Variants in PRDM6 observed in about 807,000 individuals in gnomAD.
PRDM6 encodes the protein putative histone-lysine N-methyltransferase PRDM6.
A neutral mutation model predicts 60.8 loss-of-function variants in PRDM6; 25 were observed. The ratio of observed to expected loss-of-function variants is 0.41; its 90% CI spans 0.30 to 0.57. PRDM6 has a LOEUF of 0.57. PRDM6 is among the 20% of genes least tolerant of loss of function. PRDM6 has a pLI of 0.27. For missense variants in PRDM6, 839 were observed against 821.3 expected, an observed-to-expected ratio of 1.02 and a Z score of -0.26; for synonymous variants, 407 against 357.4, an observed-to-expected ratio of 1.14 and a Z score of -1.57.
intron 3 of PRDM6, among the ~76,000 whole-genome samples, chr5:123,132,825 T>C (rs1037921513): frequency 6.0e-4 from 91 of 152,290 alleles, no homozygotes; most frequent in African/African-American, 2.1e-3. Flanking sequence ...TAAAAAATTA[T>C]GTCCCAGATA....
At position 123,099,582 on chromosome 5, in the gene PRDM6, A is replaced by G. The variant is rs1229787331; in HGVS notation, c.593-72A>G. ...GGTGATGCTGTTGTCTCGGGAGTTT[A>G]CTCAAAGATGGGCCGCTCGGGGCGG... On this transcript the variant is annotated intron_variant, in intron 2 of 7. Coordinates refer to ENST00000407847, the MANE Select transcript of PRDM6 (RefSeq NM_001136239.4). This position sits in a 1 kb window ranked among gnomAD's most constrained non-coding sequence, Gnocchi z 4.0. The G allele has an allele frequency of 1.5e-6, 2 of 1,345,992 alleles. No homozygotes were observed. The highest frequency in any genetic ancestry group is 2.0e-6 in the Non-Finnish European group (2 of 1,024,584). The allele number at this position is 1,345,992 out of a possible 1,614,324, so 83.4% of individuals were successfully genotyped here.
In PRDM6 at chr5:123,153,220, G is replaced by T. The variant is rs550127426; in HGVS notation, c.901-2664G>T. On this transcript the variant is annotated intron_variant, in intron 3 of 7. Coordinates refer to ENST00000407847, the MANE Select transcript of PRDM6 (RefSeq NM_001136239.4). Reference sequence around the variant, plus strand: ...AACTACAAAAAAAAAAAAAAAAAGGGCTAGGTTTTCTTTTCATTTATTTTT... The same window carrying T: ...AACTACAAAAAAAAAAAAAAAAAGGTCTAGGTTTTCTTTTCATTTATTTTT... Among the ~76,000 whole-genome samples, 443 of 150,090 alleles carry T rather than the reference G, an allele frequency of 3.0e-3. 1 individual carries two copies. Among genetic ancestry groups the T allele is most frequent in the African/African-American group, 0.01 (413 of 40,910 alleles).
At chr5:123,157,165 A>T (rs1765521699) in intron 4 of PRDM6, among the ~76,000 whole-genome samples, 1 of 151,434 alleles carries the variant, frequency 6.6e-6, no homozygotes, top group Non-Finnish European at 1.5e-5. Context: ...GAGGTCTTCA[A>T]TTAAAAAAAA....
intron 3 of PRDM6, among the ~76,000 whole-genome samples, chr5:123,131,839 A>G (rs1580504603): frequency 6.6e-6 from 1 of 152,240 alleles, no homozygotes; most frequent in East Asian, 1.9e-4. Flanking sequence ...TGTCTGGTAC[A>G]GTGCCAAATG....
intron 3 of PRDM6, among the ~76,000 whole-genome samples, chr5:123,143,749 T>A (rs540086284): frequency 6.6e-6 from 1 of 152,254 alleles, no homozygotes; most frequent in South Asian, 2.1e-4. Flanking sequence ...TCTGAGGCTC[T>A]TGATATATTG....
At chr5:123,094,237 C>G (rs1298179100) in intron 2 of PRDM6, among the ~76,000 whole-genome samples, 6 of 152,188 alleles carry the variant, frequency 3.9e-5, no homozygotes, top group Admixed American at 3.9e-4. Flanking sequence ...CCTTCCCACC[C>G]AGGTGGAAAA....
chr5:123,090,445 GC>G lies in PRDM6; in HGVS notation c.435del (p.Val148SerfsTer145). The G allele has an allele frequency of 2.1e-6, 3 of 1,461,228 alleles. No homozygotes were observed. The highest frequency in any genetic ancestry group is 3.0e-5 in the East Asian group (1 of 33,480). The allele number at this position is 1,461,228 out of a possible 1,614,324, so 90.5% of individuals were successfully genotyped here. A position where few individuals can be genotyped will look rare whatever the true frequency, so the allele number is the denominator to read the frequency against. ...GAACTGTGCCTCGGCGCCACCTCCG[GC>G]CCCGGGCCCGTCAAGTGCGGTGGTG... Reference protein sequence around the residue: ...PKELCLGATSGPGPVKCGGGG... With the variant: ...PKELCLGATSXPGPVKCGGGG... On this transcript the variant is annotated frameshift_variant, in exon 2 of 8. Coordinates refer to ENST00000407847, the MANE Select transcript of PRDM6 (RefSeq NM_001136239.4). LOFTEE classifies it high-confidence loss of function.
chr5:123,176,747 A>C (rs1001072160), intron 6 of PRDM6, among the ~76,000 whole-genome samples: 1 of 152,150 alleles, frequency 6.6e-6, no homozygotes. Context: ...ATTTCCATTT[A>C]GTTGTGCAAT....
intron 3 of PRDM6, among the ~76,000 whole-genome samples, chr5:123,129,573 A>G (rs1486409290): frequency 6.6e-6 from 1 of 152,192 alleles, no homozygotes; most frequent in Non-Finnish European, 1.5e-5. Context: ...GTATATCATT[A>G]TCATCAACTA....
At chr5:123,185,701 A>C (rs1289164311) in intron 7 of PRDM6, among the ~76,000 whole-genome samples, 2 of 152,216 alleles carry the variant, frequency 1.3e-5, no homozygotes, top group Non-Finnish European at 2.9e-5. Flanking sequence ...GCCCTGAAAA[A>C]TCCAAATGCG....
intron 4 of PRDM6, among the ~76,000 whole-genome samples, chr5:123,157,652 C>T (rs545167082): frequency 3.6e-4 from 55 of 152,268 alleles, no homozygotes; most frequent in African/African-American, 1.3e-3. Flanking sequence ...CACCAGTGAC[C>T]ACGTCCAAGA....
intron 3 of PRDM6, among the ~76,000 whole-genome samples, chr5:123,151,484 G>A (rs900211248): frequency 6.6e-6 from 1 of 152,192 alleles, no homozygotes; most frequent in African/African-American, 2.4e-5. Flanking sequence ...GGGAGGCAGA[G>A]AAGTGGAGAG....
intron 3 of PRDM6, among the ~76,000 whole-genome samples, chr5:123,125,875 T>C (rs1764682758): frequency 6.6e-6 from 1 of 152,152 alleles, no homozygotes; most frequent in African/African-American, 2.4e-5. Context: ...GGGGAGAAAC[T>C]GTAGAATATT....
intron 3 of PRDM6, among the ~76,000 whole-genome samples, chr5:123,148,223 T>G (rs1444042593): frequency 6.6e-6 from 1 of 152,224 alleles, no homozygotes; most frequent in African/African-American, 2.4e-5. Flanking sequence ...GAATGTGAAT[T>G]GACAAAGTAC....
intron 3 of PRDM6, among the ~76,000 whole-genome samples, chr5:123,151,908 A>T (rs1765376942): frequency 1.3e-5 from 2 of 152,104 alleles, no homozygotes; most frequent in African/African-American, 4.8e-5. Flanking sequence ...TTTATAGTGG[A>T]ATTACATTTA....
intron 3 of PRDM6, among the ~76,000 whole-genome samples, chr5:123,118,478 C>T (rs962025124): frequency 1.4e-4 from 22 of 152,168 alleles, no homozygotes; most frequent in African/African-American, 5.1e-4. Context: ...ATGAAGAGAA[C>T]ATGGGTTTGA....
intron 1 of PRDM6, 41 bp from the exon 2 acceptor site, chr5:123,089,959 C>T (rs1763769207): frequency 4.2e-6 from 6 of 1,445,778 alleles, no homozygotes; most frequent in Middle Eastern, 1.9e-4. Context: ...GCCCCTTTCG[C>T]CCAGCTCACG....
rs539930039 is a variant in PRDM6, at chr5:123,104,039, A to G, written c.900+4078A>G. 8.5e-5 allele frequency among the ~76,000 whole-genome samples: 13 copies of G among 152,164 alleles called. No individual in the cohort carries two copies. The South Asian group carries it at 2.7e-3, about 32-fold the overall frequency. Reference sequence around the variant, plus strand: ...TCATTTGCACTATGTGGAAACCTTCATTATTTTTCTTCAGAAAATCAAGGG... The same window carrying G: ...TCATTTGCACTATGTGGAAACCTTCGTTATTTTTCTTCAGAAAATCAAGGG... On this transcript the variant is annotated intron_variant, in intron 3 of 7. Coordinates refer to ENST00000407847, the MANE Select transcript of PRDM6 (RefSeq NM_001136239.4).
chr5:123,126,232 G>A (rs569064952), intron 3 of PRDM6, among the ~76,000 whole-genome samples: 1 of 152,054 alleles, frequency 6.6e-6, no homozygotes, highest in Admixed American at 6.6e-5. Context: ...TAATCTGAGG[G>A]GTAGTATCAA....
Sources: allele counts gnomAD v4.1 joint callset (sites outside exome capture counted in the v4.1 genomes callset), GRCh38; gene constraint gnomAD v4.1.1; non-coding constraint Gnocchi (gnomAD v3.1); transcripts MANE v1.5; gene names NCBI Gene and HGNC (gene_info 2026-07-23, HGNC 2026-07-21).